Variants in FLYWCH1 observed in about 807,000 individuals in gnomAD.
FLYWCH1 encodes FLYWCH-type zinc finger 1, also known as FLYWCH-type zinc finger-containing protein 1.
Under a neutral mutation model 66.4 loss-of-function variants are expected in FLYWCH1, and 75 were observed. That is an observed-to-expected ratio of 1.13 (90% CI 0.94 to 1.37). FLYWCH1 has a LOEUF of 1.37. Ranked by LOEUF, FLYWCH1 falls within the 40% of genes most tolerant of loss-of-function variation. The pLI, the probability that FLYWCH1 is intolerant of heterozygous loss-of-function variation, is 0.00. For synonymous variants in FLYWCH1, 595 were observed against 429.9 expected (o/e 1.38, Z -4.75); for missense variants, 1,334 against 1,001.8 (o/e 1.33, Z -4.48).
intron 8 of FLYWCH1, among the ~76,000 whole-genome samples, chr16:2,938,999 C>T (rs2071146898): frequency 6.6e-6 from 1 of 151,904 alleles, no homozygotes; most frequent in African/African-American, 2.4e-5. Context: ...CCTCTGCCTC[C>T]TGGGTTCAAG....
intron 9 of FLYWCH1, among the ~76,000 whole-genome samples, chr16:2,943,914 G>A (rs1416837236): frequency 1.3e-5 from 2 of 151,916 alleles, no homozygotes; most frequent in East Asian, 3.9e-4. Context: ...TCCAGCCTGG[G>A]CAACATAGTG....
intron 2 of FLYWCH1, among the ~76,000 whole-genome samples, chr16:2,920,571 A>ATTGT (rs907372611): frequency 2.0e-5 from 3 of 149,562 alleles, no homozygotes; most frequent in Admixed American, 6.7e-5. Context: ...CATTCTGACC[A>ATTGT]TTGTTTGTTT....
chr16:2,942,012 A>G (rs531619789), intron 9 of FLYWCH1, among the ~76,000 whole-genome samples: 1 of 146,348 alleles, frequency 6.8e-6, no homozygotes, highest in Non-Finnish European at 1.5e-5. Flanking sequence ...AAAAAAAAAA[A>G]AAAAAAAAAA....
At chr16:2,937,657 G>T (rs1290077278) in intron 7 of FLYWCH1, among the ~76,000 whole-genome samples, 1 of 152,180 alleles carries the variant, frequency 6.6e-6, no homozygotes, top group African/African-American at 2.4e-5. Context: ...GGCAGCCACA[G>T]AGAGTGCTTG....
chr16:2,939,350 T>G (rs2071161948), intron 8 of FLYWCH1, among the ~76,000 whole-genome samples: 4 of 152,140 alleles, frequency 2.6e-5, no homozygotes, highest in Non-Finnish European at 5.9e-5. Flanking sequence ...TAATCCCAGC[T>G]GCTTGGGAGG....
chr16:2,926,840 A>C (rs1278815534), intron 2 of FLYWCH1, among the ~76,000 whole-genome samples: 2 of 152,232 alleles, frequency 1.3e-5, no homozygotes, highest in Admixed American at 6.5e-5. Flanking sequence ...ATCAGAGTCT[A>C]AACCACAATG....
At chr16:2,932,995 T>A in intron 4 of FLYWCH1, 135 bp from the exon 5 acceptor site, 2 of 756,176 alleles carry the variant, frequency 2.6e-6, no homozygotes, top group Non-Finnish European at 4.2e-6. Flanking sequence ...CTCTGACATA[T>A]CTGGCTCAGG....
At chr16:2,925,635 C>T (rs1820310224) in intron 2 of FLYWCH1, among the ~76,000 whole-genome samples, 1 of 151,552 alleles carries the variant, frequency 6.6e-6, no homozygotes, top group Non-Finnish European at 1.5e-5. Context: ...CCGCTCTGCT[C>T]GAGAGGCGCC....
intron 2 of FLYWCH1, among the ~76,000 whole-genome samples, chr16:2,925,292 G>A (rs2070519054): frequency 6.6e-6 from 1 of 152,062 alleles, no homozygotes; most frequent in African/African-American, 2.4e-5. Flanking sequence ...GGGCTGGGGG[G>A]ACCCCGGGAG....
chr16:2,926,359 C>G (rs985373655), intron 2 of FLYWCH1, among the ~76,000 whole-genome samples: 1 of 152,170 alleles, frequency 6.6e-6, no homozygotes, highest in South Asian at 2.1e-4. Flanking sequence ...GCTTTAGAAC[C>G]GTTTCAAACA....
intron 4 of FLYWCH1, among the ~76,000 whole-genome samples, 197 bp from the exon 5 acceptor site, chr16:2,932,933 C>G (rs2070821898): frequency 1.3e-5 from 2 of 151,922 alleles, no homozygotes; most frequent in South Asian, 2.1e-4. Context: ...AGGAATGAGA[C>G]TCTCCTCCGG....
At chr16:2,932,171 C>T (rs1210917692) in intron 4 of FLYWCH1, among the ~76,000 whole-genome samples, 3 of 145,604 alleles carry the variant, frequency 2.1e-5, no homozygotes, top group African/African-American at 7.7e-5. Flanking sequence ...ATCCCAGTTA[C>T]TCGGGAGGCT....
At chr16:2,932,243 C>T (rs1047890830) in intron 4 of FLYWCH1, among the ~76,000 whole-genome samples, 1 of 143,766 alleles carries the variant, frequency 7.0e-6, no homozygotes, top group Admixed American at 7.3e-5. Context: ...TGTACTCCAG[C>T]CTGGGCGACG....
At chr16:2,917,659 G>A (rs186279413) in intron 2 of FLYWCH1, among the ~76,000 whole-genome samples, 16 of 152,248 alleles carry the variant, frequency 1.1e-4, no homozygotes, top group African/African-American at 3.1e-4. Flanking sequence ...GCTTAGGTTC[G>A]TCGCTTAGCT....
In FLYWCH1 at chr16:2,938,269, G is replaced by A. The variant is rs369243228; in HGVS notation, c.1863G>A (p.Lys621=). 1 of 1,613,096 alleles carries A rather than the reference G, an allele frequency of 6.2e-7. No homozygotes were observed. Among genetic ancestry groups the A allele is most frequent in the Non-Finnish European group, 8.5e-7 (1 of 1,179,568 alleles). The change falls in exon 8 of 10, where the codon AAG becomes AAA. Residue 621 remains lysine (K), a synonymous_variant. Coordinates refer to ENST00000253928, the MANE Select transcript of FLYWCH1 (RefSeq NM_001308068.2). ...VHESFLYRKE[K]AAGEKVYWMC... is the part of the protein sequence containing the mutation. ...AGTCCTTCCTCTACAGGAAGGAGAAGGCGGCTGGGGAGAAGGTGTACTGGA... is the reference window on the plus strand; with the variant it reads ...AGTCCTTCCTCTACAGGAAGGAGAAAGCGGCTGGGGAGAAGGTGTACTGGA...
At chr16:2,943,893 C>G (rs188190952) in intron 9 of FLYWCH1, among the ~76,000 whole-genome samples, 1 of 151,312 alleles carries the variant, frequency 6.6e-6, no homozygotes, top group Non-Finnish European at 1.5e-5. Flanking sequence ...GCCAAGATCA[C>G]GACATTGCAC....
chr16:2,919,468 G>C (rs910355793), intron 2 of FLYWCH1, among the ~76,000 whole-genome samples: 2 of 151,888 alleles, frequency 1.3e-5, no homozygotes, highest in African/African-American at 4.8e-5. Context: ...GTTTCACCAT[G>C]TTTGCCAGGA....
At chr16:2,936,937 G>A (rs2071029623) in intron 6 of FLYWCH1, 184 bp from the exon 7 acceptor site, 3 of 790,808 alleles carry the variant, frequency 3.8e-6, no homozygotes, top group African/African-American at 3.5e-5. Flanking sequence ...GCCTCAGGAG[G>A]CGGACCCCAG....
chr16:2,924,953 C>T (rs1204172372), intron 2 of FLYWCH1, among the ~76,000 whole-genome samples: 1 of 152,210 alleles, frequency 6.6e-6, no homozygotes, highest in Non-Finnish European at 1.5e-5. Flanking sequence ...TCCTGTGACT[C>T]GGGTACAGCT....
Sources: gnomAD v4.1 joint callset for allele counts (sites outside exome capture counted in the v4.1 genomes callset) on GRCh38, gnomAD v4.1.1 for gene constraint, MANE v1.5 for transcripts, NCBI Gene and HGNC (gene_info 2026-07-23, HGNC 2026-07-21) for gene names.